ABLIM2: variants seen among roughly 807,000 people sequenced by gnomAD.
ABLIM2 encodes actin-binding LIM protein 2.
ABLIM2 carries 53 observed loss-of-function variants against 97.7 expected under a neutral mutation model. The observed-to-expected ratio is 0.54, with a 90% CI of 0.44 to 0.68. ABLIM2 has a LOEUF of 0.68. ABLIM2 is among the 30% of genes least tolerant of loss of function. The pLI is 0.00. For synonymous variants in ABLIM2, 361 were observed against 345.8 expected (o/e 1.04, Z -0.49); for missense variants, 835 against 867.2 (o/e 0.96, Z 0.47).
At chr4:8,040,173 G>A (rs1787419657) in intron 9 of ABLIM2, among the ~76,000 whole-genome samples, 1 of 152,180 alleles carries the variant, frequency 6.6e-6, no homozygotes, top group African/African-American at 2.4e-5. Context: ...ACCACCCACA[G>A]CAGGCAGGGG....
At chr4:8,109,163 C>G (rs770923254) in intron 1 of ABLIM2, among the ~76,000 whole-genome samples, 8 of 152,194 alleles carry the variant, frequency 5.3e-5, no homozygotes, top group Non-Finnish European at 1.0e-4. Context: ...AACTCCCAGC[C>G]CCCTCTTCTG....
chr4:8,034,937 C>T (rs114175053), intron 10 of ABLIM2, among the ~76,000 whole-genome samples: 24,265 of 74,792 alleles, frequency 0.32, 4,286 homozygotes, highest in African/African-American at 0.41. Context: ...TAGGTGGGTG[C>T]GGATGGGTGG....
chr4:8,027,861 C>T lies in ABLIM2; in HGVS notation c.1169-4G>A, dbSNP rs754972490. The T allele has an allele frequency of 7.8e-5, 124 of 1,581,618 alleles. 2 individuals carry two copies. Among genetic ancestry groups the T allele is most frequent in the South Asian group, 3.0e-4 (26 of 85,554 alleles). On this transcript the variant is annotated splice_region_variant and splice_polypyrimidine_tract_variant and intron_variant, in intron 11 of 20. Coordinates refer to ENST00000447017, the MANE Select transcript of ABLIM2 (RefSeq NM_001130083.2). ...GTACCCACACTCACAGTACCAGCTA[C>T]GGGGTAACAGAGAGCAAGTCAGAGT...
Position 8,061,126 on chromosome 4 carries a change from T to A in ABLIM2, c.676-72A>T. The A allele has an allele frequency of 7.5e-7, 1 of 1,325,162 alleles. No homozygotes were observed. Among genetic ancestry groups the A allele is most frequent in the Non-Finnish European group, 1.1e-6 (1 of 945,798 alleles). The allele number at this position is 1,325,162 out of a possible 1,614,324, so 82.1% of individuals were successfully genotyped here. ...GTCGGCTGGGTCCCAGCGCCCGGCA[T>A]GGATACAGCATGCCCTGAGCACAGG... On this transcript the variant is annotated intron_variant, in intron 6 of 20. Transcript: ENST00000447017. This position sits in a 1 kb window ranked among gnomAD's most constrained non-coding sequence, Gnocchi z 4.5.
At chr4:8,037,905 G>A (rs901069229) in intron 9 of ABLIM2, among the ~76,000 whole-genome samples, 2 of 152,224 alleles carry the variant, frequency 1.3e-5, no homozygotes, top group Non-Finnish European at 2.9e-5. Flanking sequence ...GGTGTGTGCT[G>A]CCCTCTGCTC....
At chr4:7,976,014 T>C (rs1038844782) in intron 20 of ABLIM2, among the ~76,000 whole-genome samples, 8 of 152,142 alleles carry the variant, frequency 5.3e-5, no homozygotes, top group Non-Finnish European at 1.0e-4. Flanking sequence ...CCACCAGCAG[T>C]CATCTTTCCC....
rs936410652 is a variant in ABLIM2, at chr4:8,033,430, G to A, written c.1047+2719C>T. The stretch of plus-strand genomic sequence containing the variant: ...TGGGAGGTGGGAAGCTGAAGGCCAT[G>A]GGTGGAATGATGGAATCAAGGGAGA... On this transcript the variant is annotated intron_variant, in intron 10 of 20. Coordinates refer to ENST00000447017, the MANE Select transcript of ABLIM2 (RefSeq NM_001130083.2). This position sits in a 1 kb window ranked among gnomAD's most constrained non-coding sequence, Gnocchi z 4.5. Among the ~76,000 whole-genome samples the A allele has an allele frequency of 2.9e-4, 44 of 152,360 alleles. No individual in the cohort carries two copies. Among genetic ancestry groups the A allele is most frequent in the African/African-American group, 1.1e-3 (44 of 41,588 alleles).
chr4:8,029,519 T>A (rs1181885023), intron 11 of ABLIM2, 137 bp downstream of exon 11: 5 of 1,165,390 alleles, frequency 4.3e-6, no homozygotes, highest in Non-Finnish European at 5.6e-6. Flanking sequence ...CCGCTGGCAA[T>A]CCCACCCATT....
Position 7,999,673 on chromosome 4 carries a change from G to A in ABLIM2, c.1619-6746C>T, listed in dbSNP as rs531257087. ...AGGCGGGGTGTGTGTAGTACAGAGA[G>A]AGACCCACAGGGAGAAGGCAGGTAG... is the stretch of plus-strand genomic sequence containing the variant. On this transcript the variant is annotated intron_variant, in intron 16 of 20. Transcript: ENST00000447017. The surrounding 1 kb of genome is among the most constrained non-coding windows in gnomAD (Gnocchi z 4.4). Among the ~76,000 whole-genome samples, 1 of 152,314 alleles carries A rather than the reference G, an allele frequency of 6.6e-6. No individual in the cohort carries two copies. The highest frequency in any genetic ancestry group is 1.9e-4 in the East Asian group (1 of 5,176).
In ABLIM2 at chr4:8,004,893, G is replaced by GC. The variant is rs1760072990; in HGVS notation, c.1618+3165dup. Among the ~76,000 whole-genome samples, 1 of 152,198 alleles carries GC rather than the reference G, an allele frequency of 6.6e-6. No homozygotes were observed. The highest frequency in any genetic ancestry group is 2.1e-4 in the South Asian group (1 of 4,832). On this transcript the variant is annotated intron_variant, in intron 16 of 20. Coordinates refer to ENST00000447017, the MANE Select transcript of ABLIM2 (RefSeq NM_001130083.2). The surrounding 1 kb of genome is among the most constrained non-coding windows in gnomAD (Gnocchi z 5.9). ...CTATGACGCCCTCTTTGGAGGGGTG[G>GC]CAATGCCTGCTGGGAACTAATGGAA...
chr4:8,058,498 G>A lies in ABLIM2; in HGVS notation c.763+2469C>T, dbSNP rs1800797887. On this transcript the variant is annotated intron_variant, in intron 7 of 20. Coordinates refer to ENST00000447017, the MANE Select transcript of ABLIM2 (RefSeq NM_001130083.2). The surrounding 1 kb of genome is among the most constrained non-coding windows in gnomAD (Gnocchi z 4.2). ...ACCTGGCCGGGCCCAGCTGGCCTCTGGGAGCACTGGTGACAGAGAATCTTC... is the reference window on the plus strand; with the variant it reads ...ACCTGGCCGGGCCCAGCTGGCCTCTAGGAGCACTGGTGACAGAGAATCTTC... Among the ~76,000 whole-genome samples, 1 of 152,214 alleles carries A rather than the reference G, an allele frequency of 6.6e-6. No individual in the cohort carries two copies. Among genetic ancestry groups the A allele is most frequent in the African/African-American group, 2.4e-5 (1 of 41,460 alleles).
At chr4:8,059,906 CAAAAAAAAAA>C (rs201148410) in intron 7 of ABLIM2, among the ~76,000 whole-genome samples, 5 of 124,120 alleles carry the variant, frequency 4.0e-5, no homozygotes, top group Admixed American at 8.3e-5. Context: ...GACTCTGTTT[CAAAAAAAAAA>C]AAAAAAAAAA....
At chr4:8,089,411 G>A (rs753372122) in intron 3 of ABLIM2, among the ~76,000 whole-genome samples, 17 of 152,172 alleles carry the variant, frequency 1.1e-4, no homozygotes, top group Non-Finnish European at 2.2e-4. Flanking sequence ...GCAGAAGCCC[G>A]TGGAAGTGTC....
chr4:8,037,793 G>A (rs1279065835), intron 9 of ABLIM2, among the ~76,000 whole-genome samples: 1 of 152,264 alleles, frequency 6.6e-6, no homozygotes, highest in Non-Finnish European at 1.5e-5. Flanking sequence ...CTTCTGTCCT[G>A]TCTACCTCTG....
intron 1 of ABLIM2, among the ~76,000 whole-genome samples, chr4:8,129,733 CCTCT>C (rs57731841): frequency 6.7e-5 from 10 of 149,962 alleles, no homozygotes; most frequent in African/African-American, 1.9e-4. Flanking sequence ...AGGTATGCTC[CCTCT>C]CTCTCTCTCT....
chr4:8,030,956 C>T (rs980182687), intron 10 of ABLIM2, among the ~76,000 whole-genome samples: 2 of 152,220 alleles, frequency 1.3e-5, no homozygotes, highest in Non-Finnish European at 2.9e-5. Flanking sequence ...TTGCCCTGTT[C>T]CTCTACCATC....
intron 1 of ABLIM2, among the ~76,000 whole-genome samples, chr4:8,115,675 G>A (rs868848036): frequency 2.6e-5 from 4 of 152,164 alleles, no homozygotes; most frequent in Non-Finnish European, 4.4e-5. Flanking sequence ...CAAAGGTGAC[G>A]ATCACAACAA....
chr4:7,978,719 A>G (rs559210036), intron 20 of ABLIM2, among the ~76,000 whole-genome samples: 1 of 144,176 alleles, frequency 6.9e-6, no homozygotes, highest in Admixed American at 6.8e-5. Flanking sequence ...AGTGATAACC[A>G]TTTTACAAAG....
intron 17 of ABLIM2, among the ~76,000 whole-genome samples, chr4:7,990,781 T>C (rs1186118064): frequency 6.6e-6 from 1 of 152,158 alleles, no homozygotes; most frequent in Non-Finnish European, 1.5e-5. Flanking sequence ...AGGCTGGTCA[T>C]GTGAAAGATC....
Sources: gnomAD v4.1 joint callset for allele counts (sites outside exome capture counted in the v4.1 genomes callset) on GRCh38, gnomAD v4.1.1 for gene constraint, Gnocchi (gnomAD v3.1) non-coding constraint, MANE v1.5 for transcripts, NCBI Gene and HGNC (gene_info 2026-07-23, HGNC 2026-07-21) for gene names.